Variants in TTC19 observed in about 807,000 individuals in gnomAD.
TTC19 encodes tetratricopeptide repeat protein 19, mitochondrial.
A neutral mutation model predicts 49.5 loss-of-function variants in TTC19; 38 were observed. The observed-to-expected ratio is 0.77, with a 90% CI of 0.59 to 1.01. The LOEUF is 1.01. Among genes scored for constraint, TTC19 ranks in the 50% least tolerant of loss-of-function variants. The pLI is 0.00. For synonymous variants in TTC19, 204 were observed against 185.2 expected, an observed-to-expected ratio of 1.10 and a Z score of -0.83; for missense variants, 475 against 477.7, an observed-to-expected ratio of 0.99 and a Z score of 0.05.
At chr17:16,003,376 G>A (rs1245613188) in intron 4 of TTC19, among the ~76,000 whole-genome samples, 1 of 151,982 alleles carries the variant, frequency 6.6e-6, no homozygotes, top group Non-Finnish European at 1.5e-5. Flanking sequence ...TCAGCCTCCT[G>A]AGTAGCTGGG....
chr17:16,026,934 G>A (rs1007699566), intron 9 of TTC19: 4 of 600,346 alleles, frequency 6.7e-6, no homozygotes, highest in Non-Finnish European at 1.2e-5. Context: ...TCAAGCTGGA[G>A]AAAACCTTGC....
rs1439815693 is a variant in TTC19 at position 16,028,832 on chromosome 17, A to C, written c.*1310A>C. 1 of 371,244 alleles carries C rather than the reference A, an allele frequency of 2.7e-6. No homozygotes were observed. The highest frequency in any genetic ancestry group is 2.0e-5 in the South Asian group (1 of 50,414). 23.0% of individuals were successfully genotyped at this position (371,244 alleles called of 1,614,324 possible). A position where few individuals can be genotyped will look rare whatever the true frequency, so the allele number is the denominator to read the frequency against. ...TTTGCATTTCTCAAAAAAAAAAAAA[A>C]AAAAAAAAAAAAAACTTTCTGAAGA... is the stretch of plus-strand genomic sequence containing the variant. On this transcript the variant is annotated 3_prime_UTR_variant, in exon 10 of 10. Transcript: ENST00000261647.
chr17:16,021,366 C>T (rs1454685172), intron 7 of TTC19, among the ~76,000 whole-genome samples: 1 of 152,052 alleles, frequency 6.6e-6, no homozygotes, highest in Non-Finnish European at 1.5e-5. Context: ...GCAGCCTGGG[C>T]GACAGAGTGA....
intron 7 of TTC19, among the ~76,000 whole-genome samples, chr17:16,019,052 G>A (rs917269440): frequency 3.3e-5 from 5 of 152,090 alleles, no homozygotes; most frequent in African/African-American, 9.7e-5. Flanking sequence ...ACAATATATT[G>A]CTGGGTACAG....
rs1454641633 is a variant in TTC19, at chr17:16,028,217, TTGTC to T, written c.*699_*702del. On this transcript the variant is annotated 3_prime_UTR_variant, in exon 10 of 10. Coordinates refer to ENST00000261647, the MANE Select transcript of TTC19 (RefSeq NM_017775.4). The stretch of plus-strand genomic sequence containing the variant: ...TAAAAACTAAGAATGATGTAACCTT[TTGTC>T]TGTGTTATCTGAACACTCTACTTCC... 1 of 454,102 alleles carries T rather than the reference TTGTC, an allele frequency of 2.2e-6. No individual in the cohort carries two copies. Among genetic ancestry groups the T allele is most frequent in the East Asian group, 6.9e-5 (1 of 14,396 alleles). 28.1% of individuals were successfully genotyped at this position (454,102 alleles called of 1,614,324 possible).
chr17:16,020,171 G>T (rs1042695200), intron 7 of TTC19, among the ~76,000 whole-genome samples: 2 of 152,176 alleles, frequency 1.3e-5, no homozygotes, highest in African/African-American at 4.8e-5. Flanking sequence ...ATTTTGACTA[G>T]CAGTATATTA....
intron 3 of TTC19, among the ~76,000 whole-genome samples, chr17:16,002,323 A>G (rs567149421): frequency 1.3e-5 from 2 of 152,234 alleles, no homozygotes; most frequent in African/African-American, 4.8e-5. Flanking sequence ...GATTACAGGC[A>G]TGCATCACTA....
Position 16,025,091 on chromosome 17 carries a change from AAGCAGCCGTCAC to A in TTC19, c.754_765del (p.Gln252_Gln255del). 6.2e-7 allele frequency: 1 copy of A among 1,613,970 alleles called. No individual in the cohort carries two copies. Among genetic ancestry groups the A allele is most frequent in the East Asian group, 2.2e-5 (1 of 44,880 alleles). Reference sequence around the variant, plus strand: ...CTGTGCTCGCTACCTTCTGTTCTCCAAGCAGCCGTCACAGGCACAAAGGATGTATGAAAAAGC... The same window carrying A: ...CTGTGCTCGCTACCTTCTGTTCTCCAAGGCACAAAGGATGTATGAAAAAGC... On this transcript the variant is annotated inframe_deletion, in exon 8 of 10. Coordinates refer to ENST00000261647, the MANE Select transcript of TTC19 (RefSeq NM_017775.4).
chr17:16,004,345 C>A lies in TTC19; in HGVS notation c.581+83C>A. 3 of 1,302,354 alleles carry A rather than the reference C, an allele frequency of 2.3e-6. No homozygotes were observed. The South Asian group carries it at 3.5e-5, about 15-fold the overall frequency. 80.7% of individuals were successfully genotyped at this position (1,302,354 alleles called of 1,614,324 possible). A position where few individuals can be genotyped will look rare whatever the true frequency, so the allele number is the denominator to read the frequency against. On this transcript the variant is annotated intron_variant, in intron 6 of 9. Transcript: ENST00000261647. ...TACATAATATTCATTGTCTACTGGT[C>A]ATCTGGGTCTCCCAGAAATTGGGTG...
chr17:16,034,670 C>G, intron 2 of TTC19: 1 of 1,157,072 alleles, frequency 8.6e-7, no homozygotes, highest in Non-Finnish European at 1.2e-6. Context: ...TATAGGTTTC[C>G]AAATTAGAAG....
downstream of TTC19, chr17:16,031,602 G>GAA: frequency 6.4e-5 from 13 of 202,936 alleles, no homozygotes; most frequent in Non-Finnish European, 8.9e-5. Flanking sequence ...TGCTACTAAT[G>GAA]AAAAAAAAAA....
chr17:16,043,546 T>C (rs934581786), intron 2 of TTC19, among the ~76,000 whole-genome samples: 5 of 152,214 alleles, frequency 3.3e-5, no homozygotes, highest in Non-Finnish European at 7.3e-5. Flanking sequence ...ACACCCAACA[T>C]AGTACGCTAC....
chr17:16,016,404 T>G (rs765830922), intron 7 of TTC19, among the ~76,000 whole-genome samples: 2 of 152,216 alleles, frequency 1.3e-5, no homozygotes, highest in African/African-American at 2.4e-5. Context: ...GCCTCACATA[T>G]GGCTTATCCT....
At chr17:16,022,420 A>G (rs3785633) in intron 7 of TTC19, among the ~76,000 whole-genome samples, 65,415 of 152,088 alleles carry the variant, frequency 0.43, 15,729 homozygotes, top group Middle Eastern at 0.57. Flanking sequence ...ACTCATCAGA[A>G]AGTGCTAATC....
chr17:16,033,755 A>G (rs887080148), downstream of TTC19, among the ~76,000 whole-genome samples: 10 of 152,196 alleles, frequency 6.6e-5, no homozygotes, highest in South Asian at 2.1e-4. Flanking sequence ...ATCCTGGAGT[A>G]TTGTTTTTCA....
intron 2 of TTC19, among the ~76,000 whole-genome samples, chr17:16,041,736 T>A (rs145459273): frequency 0.025 from 3,736 of 150,608 alleles, 122 homozygotes; most frequent in African/African-American, 0.072. Flanking sequence ...TTAATTAATT[T>A]ATTAATTAAT....
intron 7 of TTC19, 88 bp from the exon 8 acceptor site, chr17:16,024,929 T>A: frequency 8.4e-7 from 1 of 1,187,904 alleles, no homozygotes; most frequent in South Asian, 1.2e-5. Flanking sequence ...GTTCCCTAAG[T>A]GACATGTGGG....
At chr17:16,000,373 C>T (rs905110811) in intron 2 of TTC19, 128 bp downstream of exon 2, 1 of 1,516,732 alleles carries the variant, frequency 6.6e-7, no homozygotes, top group South Asian at 1.2e-5. Flanking sequence ...GTAAAATTGC[C>T]GAGAATGAGG....
chr17:16,009,033 A>G (rs2151656084), intron 7 of TTC19, among the ~76,000 whole-genome samples: 1 of 149,488 alleles, frequency 6.7e-6, no homozygotes, highest in South Asian at 2.1e-4. Flanking sequence ...ACTCAGTGCT[A>G]AATCCTCGGT....
Sources: gnomAD v4.1 joint callset for allele counts (sites outside exome capture counted in the v4.1 genomes callset) on GRCh38, gnomAD v4.1.1 for gene constraint, MANE v1.5 for transcripts, NCBI Gene and HGNC (gene_info 2026-07-23, HGNC 2026-07-21) for gene names.